ELMO2: variants seen among roughly 807,000 people sequenced by gnomAD.
The protein encoded by ELMO2 is engulfment and cell motility 2, also known as engulfment and cell motility protein 2.
A neutral mutation model predicts 96.2 loss-of-function variants in ELMO2; 37 were observed. The observed-to-expected ratio is 0.38, with a 90% CI of 0.30 to 0.51. The LOEUF (loss-of-function observed/expected upper bound fraction) is 0.51. ELMO2 is among the 20% of genes least tolerant of loss of function. ELMO2 has a pLI of 0.88. For missense variants in ELMO2, 561 were observed against 912.6 expected (o/e 0.61, Z 4.96); for synonymous variants, 315 against 329.4 (o/e 0.96, Z 0.47).
intron 20 of ELMO2, chr20:46,369,449 CATTT>C (rs1457572255): frequency 6.4e-6 from 1 of 155,218 alleles, no homozygotes; most frequent in Non-Finnish European, 1.4e-5. Context: ...GAAGAATCAG[CATTT>C]ATTCTCGTTT....
intron 10 of ELMO2, among the ~76,000 whole-genome samples, chr20:46,381,294 T>A (rs2059950188): frequency 6.6e-6 from 1 of 152,234 alleles, no homozygotes; most frequent in Non-Finnish European, 1.5e-5. Flanking sequence ...TTACTGATGT[T>A]AATTACCATG....
At chr20:46,391,091 G>A (rs1374702982) in intron 6 of ELMO2, among the ~76,000 whole-genome samples, 1 of 152,216 alleles carries the variant, frequency 6.6e-6, no homozygotes, top group Non-Finnish European at 1.5e-5. Context: ...CAAGAGGTCT[G>A]TGAAATGTGT....
chr20:46,403,765 T>G (rs929332647), intron 1 of ELMO2, among the ~76,000 whole-genome samples: 2 of 152,216 alleles, frequency 1.3e-5, no homozygotes, highest in Non-Finnish European at 2.9e-5. Context: ...GGTCACGTGG[T>G]AGATACTCAG....
intron 1 of ELMO2, among the ~76,000 whole-genome samples, chr20:46,405,227 C>T (rs1180375920): frequency 6.6e-6 from 1 of 152,106 alleles, no homozygotes; most frequent in Non-Finnish European, 1.5e-5. Flanking sequence ...AGGACAAGTA[C>T]CCAGGGTGAT....
At chr20:46,382,189 A>G (rs1171780316) in intron 10 of ELMO2, 27 of 1,289,666 alleles carry the variant, frequency 2.1e-5, no homozygotes, top group Non-Finnish European at 2.6e-5. Context: ...CCCTTTCCAC[A>G]TGGCAGTGCT....
chr20:46,371,738 G>A lies in ELMO2; in HGVS notation c.1581-47C>T. On this transcript the variant is annotated intron_variant, in intron 17 of 21. Coordinates refer to ENST00000290246, the MANE Select transcript of ELMO2 (RefSeq NM_133171.5). The surrounding 1 kb of genome is among the most constrained non-coding windows in gnomAD (Gnocchi z 5.9). ...GTGAGCGGAAGGTCATGGGGACAGTGGAGCTCTGGAAGGAAAGCAGAGCTG... is the reference window on the plus strand; with the variant it reads ...GTGAGCGGAAGGTCATGGGGACAGTAGAGCTCTGGAAGGAAAGCAGAGCTG... 3.1e-6 allele frequency: 5 copies of A among 1,613,814 alleles called. No homozygotes were observed. The highest frequency in any genetic ancestry group is 3.4e-6 in the Non-Finnish European group (4 of 1,179,784).
chr20:46,404,095 T>C (rs1160446916), intron 1 of ELMO2, among the ~76,000 whole-genome samples: 1 of 151,814 alleles, frequency 6.6e-6, no homozygotes, highest in Non-Finnish European at 1.5e-5. Flanking sequence ...AAAAAAAAAA[T>C]AGAAAAGCCA....
intron 7 of ELMO2, among the ~76,000 whole-genome samples, chr20:46,388,270 T>C (rs1449294011): frequency 1.3e-5 from 2 of 152,220 alleles, no homozygotes; most frequent in East Asian, 3.8e-4. Flanking sequence ...AGCTGAAGGC[T>C]TCAGGACTTC....
At chr20:46,388,892 T>G in intron 7 of ELMO2, 147 bp downstream of exon 7, 1 of 713,028 alleles carries the variant, frequency 1.4e-6, no homozygotes, top group South Asian at 1.8e-5. Context: ...TATATCTTGG[T>G]ATGGACTCTA....
rs1044605171 is a variant in ELMO2 at position 46,375,129 on chromosome 20, A to G, written c.1065+107T>C. The G allele has an allele frequency of 2.1e-6, 3 of 1,439,170 alleles. No individual in the cohort carries two copies. Among genetic ancestry groups the G allele is most frequent in the East Asian group, 2.3e-5 (1 of 43,704 alleles). 89.2% of individuals were successfully genotyped at this position (1,439,170 alleles called of 1,614,324 possible). A position where few individuals can be genotyped will look rare whatever the true frequency, so the allele number is the denominator to read the frequency against. On this transcript the variant is annotated intron_variant, in intron 13 of 21. Coordinates refer to ENST00000290246, the MANE Select transcript of ELMO2 (RefSeq NM_133171.5). The surrounding 1 kb of genome is among the most constrained non-coding windows in gnomAD (Gnocchi z 4.6). ...TCCACCAGCTTCCTAACTGTCATCT[A>G]TTCCAGGGCCACCATGGGGTTGGTT...
chr20:46,401,361 G>A (rs1273042999), intron 1 of ELMO2, among the ~76,000 whole-genome samples: 1 of 152,230 alleles, frequency 6.6e-6, no homozygotes, highest in Non-Finnish European at 1.5e-5. Context: ...AACAGCAGCT[G>A]AGGTTTCCCC....
chr20:46,404,717 A>G (rs925836095), intron 1 of ELMO2, among the ~76,000 whole-genome samples: 10 of 152,236 alleles, frequency 6.6e-5, no homozygotes, highest in Non-Finnish European at 1.2e-4. Flanking sequence ...CCAGGTTTCA[A>G]AAACTTAGTA....
rs544723466 is a variant in ELMO2 at position 46,387,448 on chromosome 20, T to G, written c.426-11A>C. ...AGCATCTCACTGTAGCTGAGACACG[T>G]GCAACACACACACAAAATAGACAAA... On this transcript the variant is annotated splice_polypyrimidine_tract_variant and intron_variant, in intron 7 of 21. Transcript: ENST00000290246. 6.2e-7 allele frequency: 1 copy of G among 1,604,020 alleles called. No individual in the cohort carries two copies. The highest frequency in any genetic ancestry group is 1.3e-5 in the African/African-American group (1 of 74,780).
At position 46,389,053 on chromosome 20, in the gene ELMO2, G is replaced by T; in HGVS notation, c.411C>A (p.Thr137=). 6.2e-7 allele frequency: 1 copy of T among 1,613,900 alleles called. No homozygotes were observed. Among genetic ancestry groups the T allele is most frequent in the South Asian group, 1.1e-5 (1 of 91,058 alleles). Residue 137 remains threonine (T), a synonymous_variant, in exon 7 of 22, where the codon ACC becomes ACA. Transcript: ENST00000290246. ...GTCATACTCACTGGGACAAGAGCTT[G>T]GTTCCACTTTCCACGAGCCTTGTCA... ...IVLTRLVESG[T]KLLSHYSEML...
chr20:46,393,878 T>C lies in ELMO2; in HGVS notation c.119+171A>G, dbSNP rs145204751. ...AGGAAAAAATTAAGAAGTATAAACGTCTTAGGGGTATGGTTGTCAACTGTA... is the reference window on the plus strand; with the variant it reads ...AGGAAAAAATTAAGAAGTATAAACGCCTTAGGGGTATGGTTGTCAACTGTA... On this transcript the variant is annotated intron_variant, in intron 4 of 21. Coordinates refer to ENST00000290246, the MANE Select transcript of ELMO2 (RefSeq NM_133171.5). The C allele has an allele frequency of 5.1e-5, 47 of 928,664 alleles. No individual in the cohort carries two copies. In the East Asian group the frequency reaches 1.1e-3, roughly 21 times the overall value. 57.5% of individuals were successfully genotyped at this position (928,664 alleles called of 1,614,324 possible).
intron 20 of ELMO2, chr20:46,369,329 G>T: frequency 5.5e-6 from 1 of 182,692 alleles, no homozygotes. Context: ...TTTGGCATAG[G>T]AATGTCTTAA....
intron 20 of ELMO2, chr20:46,369,927 T>C (rs1252170580): frequency 8.2e-6 from 2 of 244,506 alleles, no homozygotes; most frequent in Non-Finnish European, 1.6e-5. Context: ...AAAAGACCAG[T>C]CTTAGACTCT....
At chr20:46,389,415 G>A (rs1276543503) in intron 6 of ELMO2, among the ~76,000 whole-genome samples, 195 bp from the exon 7 acceptor site, 8 of 152,192 alleles carry the variant, frequency 5.3e-5, no homozygotes, top group Non-Finnish European at 5.9e-5. Flanking sequence ...CCAATCTGTA[G>A]TTATCTGCAT....
Position 46,367,200 on chromosome 20 carries a change from C to T in ELMO2, c.*160G>A. The T allele has an allele frequency of 3.2e-6, 2 of 626,816 alleles. No individual in the cohort carries two copies. The highest frequency in any genetic ancestry group is 5.1e-6 in the Non-Finnish European group (2 of 389,482). The allele number at this position is 626,816 out of a possible 1,614,324, so 38.8% of individuals were successfully genotyped here. A position where few individuals can be genotyped will look rare whatever the true frequency, so the allele number is the denominator to read the frequency against. ...TTAGTAGACAGGGACCAAGAGGAAA[C>T]TCTGGGTGGTCCGAGGTGGGTTTGA... On this transcript the variant is annotated 3_prime_UTR_variant, in exon 22 of 22. Transcript: ENST00000290246.
Sources: gnomAD v4.1 joint callset for allele counts (sites outside exome capture counted in the v4.1 genomes callset) on GRCh38, gnomAD v4.1.1 for gene constraint, Gnocchi (gnomAD v3.1) non-coding constraint, MANE v1.5 for transcripts, NCBI Gene and HGNC (gene_info 2026-07-23, HGNC 2026-07-21) for gene names.